P2RY14: variants seen among roughly 807,000 people sequenced by gnomAD.
P2RY14 encodes purinergic receptor P2Y14.
P2RY14 carries 2 observed loss-of-function variants against 0.9 expected under a neutral mutation model. The observed-to-expected ratio is 2.16, with a 90% CI of 0.88 to 6.79. The LOEUF is 6.79. P2RY14 is among the 30% of genes most tolerant of loss of function. The pLI, the probability that P2RY14 is intolerant of heterozygous loss-of-function variation, is 0.05. For synonymous variants in P2RY14, 158 were observed against 147.2 expected (o/e 1.07, Z -0.53); for missense variants, 378 against 400.1 (o/e 0.94, Z 0.47).
intron 1 of P2RY14, among the ~76,000 whole-genome samples, chr3:151,272,060 G>A (rs1327752127): frequency 6.6e-6 from 1 of 152,198 alleles, no homozygotes. Flanking sequence ...CAATACAGAT[G>A]TTGAGCATAC....
chr3:151,263,499 G>C (rs1739280060), intron 1 of P2RY14, among the ~76,000 whole-genome samples: 1 of 152,144 alleles, frequency 6.6e-6, no homozygotes. Flanking sequence ...CTTTGATTTT[G>C]AGTTTAATGC....
At chr3:151,245,929 A>T (rs1270441325) in intron 1 of P2RY14, among the ~76,000 whole-genome samples, 1 of 151,560 alleles carries the variant, frequency 6.6e-6, no homozygotes, top group Non-Finnish European at 1.5e-5. Flanking sequence ...AAGTCTCAGG[A>T]TACAAAATCA....
At chr3:151,270,239 GTGTT>G (rs1188754993) in intron 1 of P2RY14, 11 of 156,260 alleles carry the variant, frequency 7.0e-5, no homozygotes, top group African/African-American at 2.7e-4. Context: ...GTGTGTGTGT[GTGTT>G]TTCTTTTGGG....
At chr3:151,242,234 CAA>C in intron 1 of P2RY14, among the ~76,000 whole-genome samples, 1 of 152,258 alleles carries the variant, frequency 6.6e-6, no homozygotes, top group East Asian at 1.9e-4. Flanking sequence ...ATTAGGTAAA[CAA>C]AGCAGCCGGG....
At chr3:151,266,907 C>T (rs11923394) in intron 1 of P2RY14, among the ~76,000 whole-genome samples, 11,086 of 152,194 alleles carry the variant, frequency 0.073, 1,362 homozygotes, top group African/African-American at 0.25. Context: ...TTTATAAACC[C>T]CCACCTTCAC....
At chr3:151,247,513 C>CA (rs1735840697) in intron 1 of P2RY14, among the ~76,000 whole-genome samples, 1 of 148,698 alleles carries the variant, frequency 6.7e-6, no homozygotes, top group African/African-American at 2.5e-5. Flanking sequence ...ATCGCAAGAA[C>CA]AAAAAACCAA....
At chr3:151,250,132 C>G (rs73023007) in intron 1 of P2RY14, among the ~76,000 whole-genome samples, 10,806 of 152,164 alleles carry the variant, frequency 0.071, 1,277 homozygotes, top group African/African-American at 0.25. Flanking sequence ...CTCCACTTTC[C>G]CATTCACTCT....
At chr3:151,239,141 G>A (rs1733548549) in intron 1 of P2RY14, among the ~76,000 whole-genome samples, 1 of 152,190 alleles carries the variant, frequency 6.6e-6, no homozygotes, top group Admixed American at 6.5e-5. Flanking sequence ...AGAATGAAAA[G>A]TGTTTATATT....
At chr3:151,260,021 G>C (rs150619088) in intron 1 of P2RY14, among the ~76,000 whole-genome samples, 30 of 152,170 alleles carry the variant, frequency 2.0e-4, no homozygotes, top group African/African-American at 6.5e-4. Flanking sequence ...TGGGGAGCTC[G>C]GGTTATTTTG....
intron 1 of P2RY14, among the ~76,000 whole-genome samples, chr3:151,259,381 A>G (rs1280011930): frequency 6.6e-6 from 1 of 152,204 alleles, no homozygotes; most frequent in African/African-American, 2.4e-5. Flanking sequence ...GTGAGATTTT[A>G]TTCACCAAAT....
At chr3:151,264,363 C>G (rs1024138664) in intron 1 of P2RY14, among the ~76,000 whole-genome samples, 1 of 152,194 alleles carries the variant, frequency 6.6e-6, no homozygotes, top group African/African-American at 2.4e-5. Flanking sequence ...AATGGAAGAA[C>G]TGAACTCTTC....
chr3:151,254,008 T>C (rs1166201040), intron 1 of P2RY14, among the ~76,000 whole-genome samples: 1 of 151,468 alleles, frequency 6.6e-6, no homozygotes, highest in East Asian at 1.9e-4. Flanking sequence ...TGTTTTTTTT[T>C]TTTGTTAATT....
At chr3:151,245,173 T>C (rs947895268) in intron 1 of P2RY14, among the ~76,000 whole-genome samples, 10 of 152,182 alleles carry the variant, frequency 6.6e-5, no homozygotes, top group African/African-American at 2.2e-4. Flanking sequence ...GATTCACAGC[T>C]GAATTCTACC....
At chr3:151,236,624 T>C in intron 1 of P2RY14, among the ~76,000 whole-genome samples, 1 of 152,210 alleles carries the variant, frequency 6.6e-6, no homozygotes, top group East Asian at 1.9e-4. Context: ...TCTTCAATCT[T>C]TCACTTTTCC....
At chr3:151,230,556 T>A (rs1459837490) in intron 1 of P2RY14, among the ~76,000 whole-genome samples, 1 of 151,804 alleles carries the variant, frequency 6.6e-6, no homozygotes, top group African/African-American at 2.4e-5. Flanking sequence ...GGACTAGTTT[T>A]GTTTTACTCC....
intron 2 of P2RY14, among the ~76,000 whole-genome samples, chr3:151,216,891 G>T (rs1728344161): frequency 6.6e-6 from 1 of 152,092 alleles, no homozygotes; most frequent in South Asian, 2.1e-4. Flanking sequence ...GATGCATTTT[G>T]GTTTAAATGC....
intron 1 of P2RY14, among the ~76,000 whole-genome samples, chr3:151,221,657 G>A (rs1453883512): frequency 1.3e-5 from 2 of 152,234 alleles, no homozygotes; most frequent in Non-Finnish European, 2.9e-5. Context: ...CGAGTGCACA[G>A]AAGTCAAGAA....
At chr3:151,262,975 T>C (rs1406985159) in intron 1 of P2RY14, among the ~76,000 whole-genome samples, 1 of 152,194 alleles carries the variant, frequency 6.6e-6, no homozygotes, top group South Asian at 2.1e-4. Context: ...CGTAGTTCTC[T>C]AGGGCATCTT....
intron 1 of P2RY14, among the ~76,000 whole-genome samples, chr3:151,271,548 A>G (rs750495579): frequency 5.9e-5 from 9 of 152,178 alleles, no homozygotes; most frequent in Non-Finnish European, 8.8e-5. Flanking sequence ...AAAGACTTAT[A>G]TTAGAATATT....
Sources: gnomAD v4.1 joint callset for allele counts (sites outside exome capture counted in the v4.1 genomes callset) on GRCh38, gnomAD v4.1.1 for gene constraint, MANE v1.5 for transcripts, NCBI Gene and HGNC (gene_info 2026-07-23, HGNC 2026-07-21) for gene names.